The following FOXP1 variants were observed in gnomAD, a reference collection of about 807,000 sequenced individuals.
FOXP1 encodes forkhead box P1.
FOXP1 carries 15 observed loss-of-function variants against 98.2 expected under a neutral mutation model. The observed-to-expected ratio is 0.15, with a 90% CI of 0.10 to 0.24. The LOEUF (loss-of-function observed/expected upper bound fraction) is 0.24, where lower values mean the gene tolerates loss of function less well. FOXP1 is among the 10% of genes least tolerant of loss of function. The pLI is 1.00. For synonymous variants in FOXP1, 371 were observed against 314.5 expected, an observed-to-expected ratio of 1.18 and a Z score of -1.90; for missense variants, 633 against 848.5, an observed-to-expected ratio of 0.75 and a Z score of 3.15.
intron 3 of FOXP1, among the ~76,000 whole-genome samples, chr3:71,415,603 C>T (rs2083152041): frequency 6.6e-6 from 1 of 151,972 alleles, no homozygotes; most frequent in Non-Finnish European, 1.5e-5. Context: ...ATAAATGGTC[C>T]CATAACATCA....
chr3:71,251,891 C>T (rs146377885), intron 5 of FOXP1, among the ~76,000 whole-genome samples: 2 of 152,266 alleles, frequency 1.3e-5, no homozygotes, highest in East Asian at 1.9e-4. Context: ...CACACACTAC[C>T]GGATGGCAAC....
At chr3:71,126,035 G>C (rs999270495) in intron 6 of FOXP1, among the ~76,000 whole-genome samples, 4 of 152,180 alleles carry the variant, frequency 2.6e-5, no homozygotes, top group African/African-American at 9.7e-5. Flanking sequence ...TAAGTAACAA[G>C]TGATTTTGAA....
rs369923303 is a variant in FOXP1, at chr3:71,405,214, G to A, written c.-167-45970C>T. Among the ~76,000 whole-genome samples, 18 of 152,302 alleles carry A rather than the reference G, an allele frequency of 1.2e-4. No homozygotes were observed. The East Asian group carries it at 2.3e-3, about 20-fold the overall frequency. On this transcript the variant is annotated intron_variant, in intron 3 of 20. Coordinates refer to ENST00000649528, the MANE Select transcript of FOXP1 (RefSeq NM_001349338.3). The stretch of plus-strand genomic sequence containing the variant: ...GTTTAGTCTCTGTGCAACTATGGAA[G>A]AGTGGTTGGCCTTTTCTGATGCCTG...
intron 2 of FOXP1, among the ~76,000 whole-genome samples, chr3:71,506,588 C>T (rs564202713): frequency 7.2e-5 from 11 of 152,290 alleles, no homozygotes; most frequent in African/African-American, 2.2e-4. Flanking sequence ...GACTTAGGCT[C>T]GCTGCTAGCT....
At chr3:71,550,701 A>C (rs1275679688) in intron 2 of FOXP1, among the ~76,000 whole-genome samples, 6 of 152,220 alleles carry the variant, frequency 3.9e-5, no homozygotes, top group Non-Finnish European at 5.9e-5. Context: ...TTATTAATTC[A>C]ACTTGGTTTG....
intron 3 of FOXP1, among the ~76,000 whole-genome samples, chr3:71,413,290 A>ACACACC (rs371166757): frequency 0.064 from 8,791 of 137,806 alleles, 457 homozygotes; most frequent in Non-Finnish European, 0.069. Flanking sequence ...ACACACACAC[A>ACACACC]CCCAAAACAG....
intron 7 of FOXP1, among the ~76,000 whole-genome samples, chr3:71,085,370 G>A (rs1158200046): frequency 6.6e-6 from 1 of 152,008 alleles, no homozygotes; most frequent in African/African-American, 2.4e-5. Flanking sequence ...GGCTGGTCCC[G>A]AAGTCCTGGC....
Position 71,041,494 on chromosome 3 carries a change from C to T in FOXP1, c.703G>A (p.Val235Met), listed in dbSNP as rs2048330585. ...PTELQQLWKE[V>M]TSAHTAEETT... ...TCTTCTGCAGTATGAGCACTTGTCA[C>T]TTCTTTCCAGAGCTGCTGCAGTTCT... is the stretch of plus-strand genomic sequence containing the variant. Residue 235 changes from valine (V) to methionine (M), a missense_variant, in exon 11 of 21, where the codon GTG becomes ATG. Transcript: ENST00000649528. The T allele has an allele frequency of 6.2e-7, 1 of 1,613,876 alleles. No homozygotes were observed. The highest frequency in any genetic ancestry group is 8.5e-7 in the Non-Finnish European group (1 of 1,179,818).
chr3:71,050,530 C>T (rs1266371119), intron 9 of FOXP1, among the ~76,000 whole-genome samples: 4 of 152,164 alleles, frequency 2.6e-5, no homozygotes, highest in African/African-American at 7.2e-5. Context: ...GGGGTTATTG[C>T]CTGCAAGCCA....
At chr3:71,502,945 G>C (rs1363114458) in intron 2 of FOXP1, among the ~76,000 whole-genome samples, 1 of 139,478 alleles carries the variant, frequency 7.2e-6, no homozygotes, top group Non-Finnish European at 1.5e-5. Flanking sequence ...TTTGAGATCT[G>C]TTTTCTGTGA....
chr3:71,475,828 C>T (rs140336453), intron 3 of FOXP1, among the ~76,000 whole-genome samples: 112 of 147,854 alleles, frequency 7.6e-4, no homozygotes, highest in African/African-American at 2.4e-3. Flanking sequence ...GGAGAAAGAA[C>T]AAGACTCCAC....
chr3:70,987,549 G>C lies in FOXP1; in HGVS notation c.1146+445C>G, dbSNP rs543156424. ...TATGTCTTTCCTCTGTTAAGAGTTA[G>C]ACTGGACTACTACTCCCTGCTCTTT... On this transcript the variant is annotated intron_variant, in intron 14 of 20. Transcript: ENST00000649528. Among the ~76,000 whole-genome samples the C allele has an allele frequency of 3.1e-4, 47 of 152,276 alleles. 1 individual carries two copies. Among genetic ancestry groups the C allele is most frequent in the Admixed American group, 7.2e-4 (11 of 15,298 alleles).
chr3:71,162,219 G>A (rs73838202), intron 6 of FOXP1, among the ~76,000 whole-genome samples: 3,732 of 152,234 alleles, frequency 0.025, 157 homozygotes, highest in African/African-American at 0.084. Context: ...AAGTTAAACA[G>A]CATTTACCAT....
chr3:71,481,060 A>C (rs978540462), intron 3 of FOXP1, among the ~76,000 whole-genome samples: 7 of 152,220 alleles, frequency 4.6e-5, no homozygotes, highest in Non-Finnish European at 7.3e-5. Context: ...ATTGATAGAT[A>C]CACATACATA....
intron 5 of FOXP1, among the ~76,000 whole-genome samples, chr3:71,225,484 A>G (rs900806878): frequency 2.6e-5 from 4 of 151,894 alleles, no homozygotes; most frequent in Non-Finnish European, 5.9e-5. Context: ...GTGAAGCTCT[A>G]AGCGATACTG....
chr3:71,363,630 C>G (rs568921385), intron 3 of FOXP1, among the ~76,000 whole-genome samples: 2 of 152,284 alleles, frequency 1.3e-5, no homozygotes, highest in African/African-American at 4.8e-5. Context: ...ATTATCAGCA[C>G]CTCTGGGCAG....
intron 3 of FOXP1, among the ~76,000 whole-genome samples, chr3:71,386,112 C>A (rs548051145): frequency 6.6e-6 from 1 of 152,284 alleles, no homozygotes; most frequent in East Asian, 1.9e-4. Context: ...ATTTTGGGAC[C>A]TCTCCATCAC....
At chr3:71,301,826 C>T (rs1214606716) in intron 4 of FOXP1, among the ~76,000 whole-genome samples, 1 of 152,166 alleles carries the variant, frequency 6.6e-6, no homozygotes, top group Non-Finnish European at 1.5e-5. Context: ...TTTCTACTCA[C>T]CTATCCACAC....
intron 6 of FOXP1, among the ~76,000 whole-genome samples, chr3:71,121,649 C>T (rs564797573): frequency 1.3e-5 from 2 of 152,242 alleles, no homozygotes; most frequent in African/African-American, 4.8e-5. Flanking sequence ...CAAGCAGTGC[C>T]CAAGCCTGAG....
Sources: allele counts gnomAD v4.1 joint callset (sites outside exome capture counted in the v4.1 genomes callset), GRCh38; gene constraint gnomAD v4.1.1; transcripts MANE v1.5; gene names NCBI Gene and HGNC (gene_info 2026-07-23, HGNC 2026-07-21).